The following NFATC4 variants were observed in gnomAD, a reference collection of about 807,000 sequenced individuals.
NFATC4 encodes the protein nuclear factor of activated T-cells, cytoplasmic 4.
Under a neutral mutation model 73.4 loss-of-function variants are expected in NFATC4, and 25 were observed. The observed-to-expected ratio is 0.34, with a 90% CI of 0.25 to 0.48. The LOEUF (loss-of-function observed/expected upper bound fraction) is 0.48. Ranked by LOEUF, NFATC4 falls within the 20% of genes least tolerant of loss-of-function variation. NFATC4 has a pLI of 0.99. For synonymous variants in NFATC4, 523 were observed against 510.3 expected, an observed-to-expected ratio of 1.02 and a Z score of -0.34; for missense variants, 1,130 against 1,203.7, an observed-to-expected ratio of 0.94 and a Z score of 0.91.
At chr14:24,368,525 C>G (rs1217174030) in intron 1 of NFATC4, 85 bp downstream of exon 1, 1 of 1,156,682 alleles carries the variant, frequency 8.6e-7, no homozygotes, top group Non-Finnish European at 1.1e-6. Flanking sequence ...GGCAGCGAGC[C>G]TAGGGTGGGG....
rs1480561807 is a variant in NFATC4 at position 24,378,958 on chromosome 14, C to T, written c.*1253C>T. The T allele has an allele frequency of 6.6e-6, 1 of 152,254 alleles. No individual in the cohort carries two copies. The highest frequency in any genetic ancestry group is 1.5e-5 in the Non-Finnish European group (1 of 68,062). 9.4% of individuals were successfully genotyped at this position (152,254 alleles called of 1,614,324 possible). On this transcript the variant is annotated 3_prime_UTR_variant, in exon 10 of 10. Transcript: ENST00000250373. Reference sequence around the variant, plus strand: ...CCTGACACACCGTAGGTACTGAGTACAAATAGCTTGATTTGGCTAGGCTTG... The same window carrying T: ...CCTGACACACCGTAGGTACTGAGTATAAATAGCTTGATTTGGCTAGGCTTG...
upstream of NFATC4, chr14:24,367,766 G>T: frequency 7.2e-7 from 1 of 1,396,816 alleles, no homozygotes; most frequent in South Asian, 1.4e-5. Flanking sequence ...AAGTGGTTCT[G>T]CCTTGCTAGG....
rs1246660096 is a variant in NFATC4 at position 24,377,920 on chromosome 14, T to TGGAGGAG, written c.*225_*231dup. 3 of 974,978 alleles carry TGGAGGAG rather than the reference T, an allele frequency of 3.1e-6. No individual in the cohort carries two copies. The African/African-American group carries it at 4.9e-5, about 16-fold the overall frequency. The allele number at this position is 974,978 out of a possible 1,614,324, so 60.4% of individuals were successfully genotyped here. ...TTGGAGGGCTGGGGGAAGGAGTGTG[T>TGGAGGAG]GGAGGAGGGAGGAGGGTGAAGACTG... On this transcript the variant is annotated 3_prime_UTR_variant, in exon 10 of 10. Transcript: ENST00000250373. The surrounding 1 kb of genome is among the most constrained non-coding windows in gnomAD (Gnocchi z 4.2).
At position 24,378,459 on chromosome 14, in the gene NFATC4, CT is replaced by C. The variant is rs1304966312; in HGVS notation, c.*756del. On this transcript the variant is annotated 3_prime_UTR_variant, in exon 10 of 10. Transcript: ENST00000250373. ...TCTAAAGTTCAGAGAGGGAAAGGGG[CT>C]TGCCTGAGGTCACGTAGATAATCAG... is the stretch of plus-strand genomic sequence containing the variant. 5.9e-5 allele frequency: 9 copies of C among 152,692 alleles called. No individual in the cohort carries two copies. The allele number at this position is 152,692 out of a possible 1,614,324, so 9.5% of individuals were successfully genotyped here. A position where few individuals can be genotyped will look rare whatever the true frequency, so the allele number is the denominator to read the frequency against.
upstream of NFATC4, chr14:24,367,011 C>A: frequency 1.2e-6 from 2 of 1,609,776 alleles, no homozygotes; most frequent in Non-Finnish European, 1.7e-6. Context: ...AGACTGGAGA[C>A]GCGGCCTCTA....
At position 24,376,072 on chromosome 14, in the gene NFATC4, G is replaced by A; in HGVS notation, c.2027G>A (p.Ser676Asn). 6.2e-7 allele frequency: 1 copy of A among 1,614,056 alleles called. No homozygotes were observed. Among genetic ancestry groups the A allele is most frequent in the Non-Finnish European group, 8.5e-7 (1 of 1,179,970 alleles). ...GTCTCCAATGGGCGGAGGAAACGCA[G>A]TCCTACCCAGAGTTTCAGGTTTCTG... The part of the protein sequence containing the change: ...FYVSNGRRKR[S>N]PTQSFRFLPV... Residue 676 changes from serine to asparagine, a missense_variant, in exon 8 of 10, where the codon AGT (serine) becomes AAT (asparagine). Ser to Asn is a conservative substitution (Grantham distance 46). Around this residue, in one of 3 missense-constraint regions of NFATC4, gnomAD observed 390 missense variants for 408.1 expected, o/e 0.96. Transcript: ENST00000250373. This position sits in a 1 kb window ranked among gnomAD's most constrained non-coding sequence, Gnocchi z 5.0.
upstream of NFATC4, chr14:24,368,133 G>A (rs1258606291): frequency 4.7e-6 from 5 of 1,055,706 alleles, no homozygotes; most frequent in Non-Finnish European, 5.6e-6. Context: ...GGACAGGCTG[G>A]GGGGGGGACC....
chr14:24,369,550 C>T lies in NFATC4; in HGVS notation c.152C>T (p.Pro51Leu). Reference sequence around the variant, plus strand: ...TGCTGCCGTCTGGCCTTGGGAGAGCCCCCTCCCTATGGCGCTGCACCTATC... The same window carrying T: ...TGCTGCCGTCTGGCCTTGGGAGAGCTCCCTCCCTATGGCGCTGCACCTATC... ...PPCCRLALGE[P>L]PPYGAAPIGI... The change falls in exon 2 of 10, where the codon CCC becomes CTC. Residue 51 changes from proline to leucine, a missense_variant. Transcript: ENST00000250373. 6.2e-7 allele frequency: 1 copy of T among 1,610,282 alleles called. No individual in the cohort carries two copies. The highest frequency in any genetic ancestry group is 1.1e-5 in the South Asian group (1 of 90,830).
chr14:24,367,522 C>T, upstream of NFATC4: 1 of 1,535,640 alleles, frequency 6.5e-7, no homozygotes, highest in Non-Finnish European at 8.7e-7. Flanking sequence ...GCCTCTTTGG[C>T]TCGGACTGCT....
In NFATC4 at chr14:24,376,624, G is replaced by A. The variant is rs569203914; in HGVS notation, c.2387G>A (p.Gly796Asp). The A allele has an allele frequency of 4.9e-5, 79 of 1,613,536 alleles. No homozygotes were observed. The South Asian group carries it at 7.7e-4, about 16-fold the overall frequency. The change falls in exon 9 of 10, where the codon GGC (glycine) becomes GAC (aspartate). Residue 796 changes from glycine (G) to aspartate (D), a missense_variant. This residue lies in a region of NFATC4 where 390 missense variants were observed against 408.1 expected (regional missense o/e 0.96). Transcript: ENST00000250373. The surrounding 1 kb of genome is among the most constrained non-coding windows in gnomAD (Gnocchi z 5.0). The stretch of plus-strand genomic sequence containing the variant: ...CCTAGTGACCCGTATGGAGGGCGGG[G>A]CTCCTCTTTCTCCCTGGGGCTGCCA... ...PFPSDPYGGR[G>D]SSFSLGLPFS...
chr14:24,370,843 C>T (rs958938206), intron 2 of NFATC4, among the ~76,000 whole-genome samples: 13 of 152,168 alleles, frequency 8.5e-5, no homozygotes. Context: ...CACCCTCCCA[C>T]CCCTAGCTAT....
chr14:24,367,098 G>C (rs761362329), upstream of NFATC4: 1 of 1,613,896 alleles, frequency 6.2e-7, no homozygotes, highest in Non-Finnish European at 8.5e-7. Flanking sequence ...AGCCTCGCCA[G>C]TATCTCCCAC....
Position 24,374,663 on chromosome 14 carries a change from G to C in NFATC4, c.1873+197G>C. On this transcript the variant is annotated intron_variant, in intron 6 of 9. Transcript: ENST00000250373. Reference sequence around the variant, plus strand: ...GTATGACAGCAATCTAAAATGTTGAGGATGCTGAACAAATGGAAGCAATGC... The same window carrying C: ...GTATGACAGCAATCTAAAATGTTGACGATGCTGAACAAATGGAAGCAATGC... The C allele has an allele frequency of 5.6e-6, 3 of 536,698 alleles. No homozygotes were observed. The South Asian group carries it at 8.1e-5, about 14-fold the overall frequency. The allele number at this position is 536,698 out of a possible 1,614,324, so 33.2% of individuals were successfully genotyped here.
chr14:24,368,030 C>T (rs1302579389), upstream of NFATC4: 1 of 850,122 alleles, frequency 1.2e-6, no homozygotes, highest in African/African-American at 4.2e-5. Context: ...GAAGAGAGGA[C>T]AGAGGGAGGG....
chr14:24,367,526 G>A, upstream of NFATC4: 1 of 1,535,912 alleles, frequency 6.5e-7, no homozygotes, highest in Non-Finnish European at 8.7e-7. Flanking sequence ...CTTTGGCTCG[G>A]ACTGCTCCCA....
In NFATC4 at chr14:24,376,239, TG is replaced by T. The variant is rs932978707; in HGVS notation, c.2057-51del. On this transcript the variant is annotated intron_variant, in intron 8 of 9. Transcript: ENST00000250373. The surrounding 1 kb of genome is among the most constrained non-coding windows in gnomAD (Gnocchi z 5.0). ...GAGCAGGCAGCTGGAAGGTGTGCAG[TG>T]GGGAGACTACCAGACCTCTCACCAG... 8.3e-6 allele frequency: 13 copies of T among 1,562,864 alleles called. No homozygotes were observed. The African/African-American group carries it at 1.4e-4, about 16-fold the overall frequency.
Position 24,369,648 on chromosome 14 carries a change from A to G in NFATC4, c.250A>G (p.Thr84Ala). ...PPPRPAPSPGTWESQPARSVR... is the reference protein window; with the variant it reads ...PPPRPAPSPGAWESQPARSVR... ...GCCGCGACCAGCCCCCTCACCTGGC[A>G]CCTGGGAGAGCCAGCCCGCCAGGTC... The change falls in exon 2 of 10, where the codon ACC becomes GCC. Residue 84 changes from threonine (T) to alanine (A), a missense_variant. Transcript: ENST00000250373. 6.2e-7 allele frequency: 1 copy of G among 1,612,950 alleles called. No individual in the cohort carries two copies. Among genetic ancestry groups the G allele is most frequent in the East Asian group, 2.2e-5 (1 of 44,866 alleles).
intron 1 of NFATC4, chr14:24,369,165 C>T: frequency 1.3e-6 from 2 of 1,482,918 alleles, no homozygotes; most frequent in South Asian, 1.3e-5. Context: ...GTGTGAGTCG[C>T]CCCCAGTCCA....
chr14:24,369,397 G>A lies in NFATC4; in HGVS notation c.101-102G>A, dbSNP rs756909917. ...AGAAGGTCTCTTTGCTGAGGGGCAG[G>A]GAGCATAGAAGGACTTGCGGCCTGG... is the stretch of plus-strand genomic sequence containing the variant. On this transcript the variant is annotated intron_variant, in intron 1 of 9. Transcript: ENST00000250373. 12 of 1,603,508 alleles carry A rather than the reference G, an allele frequency of 7.5e-6. No homozygotes were observed. The East Asian group carries it at 1.8e-4, about 24-fold the overall frequency.
Sources: gnomAD v4.1 joint callset for allele counts (sites outside exome capture counted in the v4.1 genomes callset) on GRCh38, gnomAD v4.1.1 for gene constraint, gnomAD v4.1.1 regional missense constraint, Gnocchi (gnomAD v3.1) non-coding constraint, MANE v1.5 for transcripts, NCBI Gene and HGNC (gene_info 2026-07-23, HGNC 2026-07-21) for gene names.